PTGIS: variants seen among roughly 807,000 people sequenced by gnomAD.
PTGIS encodes the protein prostaglandin I2 synthase, also known as prostacyclin synthase.
Under a neutral mutation model 50.3 loss-of-function variants are expected in PTGIS, and 45 were observed. The ratio of observed to expected loss-of-function variants is 0.90; its 90% CI spans 0.70 to 1.15. The LOEUF is 1.15. PTGIS is among the 50% of genes most tolerant of loss of function. The pLI, the probability that PTGIS is intolerant of heterozygous loss-of-function variation, is 0.00. For missense variants in PTGIS, 668 were observed against 661.3 expected (o/e 1.01, Z -0.11); for synonymous variants, 260 against 267.7 (o/e 0.97, Z 0.28).
In PTGIS at chr20:49,531,334, C is replaced by T. The variant is rs370655954; in HGVS notation, c.674-7095G>A. ...CTGAGCTTGGTGGCTCAACCTGGGG[C>T]CCTGCAGATGAGCAAAGCTGTGTAG... On this transcript the variant is annotated intron_variant, in intron 5 of 9. Coordinates refer to ENST00000244043, the MANE Select transcript of PTGIS (RefSeq NM_000961.4). Among the ~76,000 whole-genome samples the T allele has an allele frequency of 3.0e-4, 45 of 152,174 alleles. 2 individuals are homozygous for T. Among genetic ancestry groups the T allele is most frequent in the African/African-American group, 1.1e-3 (45 of 41,510 alleles).
At chr20:49,519,656 C>A in intron 6 of PTGIS, among the ~76,000 whole-genome samples, 1 of 152,088 alleles carries the variant, frequency 6.6e-6, no homozygotes, top group South Asian at 2.1e-4. Flanking sequence ...CTCTCTTCTC[C>A]AGGTGTCCAC....
chr20:49,547,957 C>G lies in PTGIS; in HGVS notation c.261G>C (p.Val87=), dbSNP rs746440209. ...LLDPHSYDAV[V]WEPRTRLDFH... ...AGTCGAGCCTGGTGCGAGGCTCCCA[C>G]ACCACCGCGTCGTAGGAGTGTGGGT... Residue 87 remains valine (V), a synonymous_variant, in exon 3 of 10, where the codon GTG becomes GTC. Coordinates refer to ENST00000244043, the MANE Select transcript of PTGIS (RefSeq NM_000961.4). 1 of 1,614,132 alleles carries G rather than the reference C, an allele frequency of 6.2e-7. No homozygotes were observed. The highest frequency in any genetic ancestry group is 8.5e-7 in the Non-Finnish European group (1 of 1,180,024).
At chr20:49,530,592 T>G (rs532614467) in intron 5 of PTGIS, among the ~76,000 whole-genome samples, 2 of 152,240 alleles carry the variant, frequency 1.3e-5, no homozygotes, top group African/African-American at 2.4e-5. Context: ...ATATTTGTCA[T>G]CTTTTGACAT....
At chr20:49,517,010 C>A (rs1168112893) in intron 6 of PTGIS, among the ~76,000 whole-genome samples, 2 of 152,188 alleles carry the variant, frequency 1.3e-5, no homozygotes, top group Admixed American at 6.5e-5. Context: ...GGTAACATTG[C>A]CACCTCCTGG....
intron 4 of PTGIS, among the ~76,000 whole-genome samples, chr20:49,543,702 C>T (rs1172477257): frequency 6.6e-6 from 1 of 152,196 alleles, no homozygotes; most frequent in African/African-American, 2.4e-5. Context: ...CATGACCCTG[C>T]CTCGTCAGTC....
chr20:49,567,989 C>A, intron 1 of PTGIS, 54 bp downstream of exon 1: 1 of 1,434,316 alleles, frequency 7.0e-7, no homozygotes, highest in Non-Finnish European at 9.1e-7. Context: ...GGCTGCAGCC[C>A]GGGCGGGAGC....
At chr20:49,536,475 T>TTTCC (rs1982074126) in intron 5 of PTGIS, among the ~76,000 whole-genome samples, 1 of 133,422 alleles carries the variant, frequency 7.5e-6, no homozygotes, top group African/African-American at 3.4e-5. Context: ...TCTTTCTTTC[T>TTTCC]TTCTTTTTTT....
intron 8 of PTGIS, among the ~76,000 whole-genome samples, chr20:49,511,481 T>G (rs780061884): frequency 1.1e-4 from 16 of 152,298 alleles, no homozygotes; most frequent in Admixed American, 2.0e-4. Context: ...TGTGTATGCC[T>G]GTAAAGCCAT....
Position 49,523,949 on chromosome 20 carries a change from A to G in PTGIS, c.855+109T>C. 29 of 1,330,108 alleles carry G rather than the reference A, an allele frequency of 2.2e-5. 1 individual carries two copies. In the South Asian group the frequency reaches 3.6e-4, roughly 16 times the overall value. The allele number at this position is 1,330,108 out of a possible 1,614,324, so 82.4% of individuals were successfully genotyped here. A position where few individuals can be genotyped will look rare whatever the true frequency, so the allele number is the denominator to read the frequency against. ...CCTACATACACATGCACACACAGGC[A>G]TAGTCATGTGCACACCTGCACAGGT... On this transcript the variant is annotated intron_variant, in intron 6 of 9. Coordinates refer to ENST00000244043, the MANE Select transcript of PTGIS (RefSeq NM_000961.4).
chr20:49,536,470 C>CTTTTTTTTTTTTT (rs1471525960), intron 5 of PTGIS, among the ~76,000 whole-genome samples: 10 of 135,098 alleles, frequency 7.4e-5, no homozygotes, highest in South Asian at 2.4e-4. Flanking sequence ...TTCTTTCTTT[C>CTTTTTTTTTTTTT]TTTCTTTCTT....
At chr20:49,517,832 T>C (rs764241893) in intron 6 of PTGIS, among the ~76,000 whole-genome samples, 5 of 152,198 alleles carry the variant, frequency 3.3e-5, no homozygotes, top group African/African-American at 4.8e-5. Context: ...CCCACTTTCC[T>C]TCAAAGAACC....
chr20:49,516,060 G>A (rs1219874273), intron 6 of PTGIS, among the ~76,000 whole-genome samples: 1 of 122,682 alleles, frequency 8.2e-6, no homozygotes, highest in Admixed American at 8.5e-5. Context: ...TTTTTTTTTT[G>A]GTAGAGATGG....
At chr20:49,545,741 A>T (rs1237961494) in intron 3 of PTGIS, among the ~76,000 whole-genome samples, 2 of 152,194 alleles carry the variant, frequency 1.3e-5, no homozygotes, top group East Asian at 3.9e-4. Flanking sequence ...TGGGGTGTCC[A>T]TGGGCGGTGC....
chr20:49,530,906 T>C (rs6095568), intron 5 of PTGIS, among the ~76,000 whole-genome samples: 11,176 of 151,964 alleles, frequency 0.074, 1,260 homozygotes, highest in African/African-American at 0.24. Context: ...ACTACAGGCG[T>C]GCACCACCAC....
intron 1 of PTGIS, among the ~76,000 whole-genome samples, chr20:49,554,128 T>G (rs1256148011): frequency 6.6e-6 from 1 of 152,172 alleles, no homozygotes; most frequent in Non-Finnish European, 1.5e-5. Context: ...AGTTCAACTT[T>G]TATTGCATCT....
chr20:49,509,636 C>A (rs568835051), intron 9 of PTGIS, among the ~76,000 whole-genome samples: 4 of 152,288 alleles, frequency 2.6e-5, no homozygotes, highest in Non-Finnish European at 5.9e-5. Context: ...CCCAGCTGAA[C>A]CTGGGTGTGC....
rs1982201033 is a variant in PTGIS, at chr20:49,540,633, G to A, written c.522-912C>T. On this transcript the variant is annotated intron_variant, in intron 4 of 9. Transcript: ENST00000244043. The surrounding 1 kb of genome is among the most constrained non-coding windows in gnomAD (Gnocchi z 4.8). Reference sequence around the variant, plus strand: ...GGGTAAGACATGGGAGCTAGCATGAGCTCTCATGTGCTCTCACTGAGGCAC... The same window carrying A: ...GGGTAAGACATGGGAGCTAGCATGAACTCTCATGTGCTCTCACTGAGGCAC... Among the ~76,000 whole-genome samples the A allele has an allele frequency of 1.3e-5, 2 of 152,104 alleles. No homozygotes were observed. Among genetic ancestry groups the A allele is most frequent in the Admixed American group, 6.5e-5 (1 of 15,280 alleles).
intron 5 of PTGIS, 41 bp downstream of exon 5, chr20:49,539,529 C>T: frequency 1.9e-6 from 3 of 1,602,322 alleles, no homozygotes; most frequent in South Asian, 1.1e-5. Flanking sequence ...CTGGGTCTTT[C>T]CATCCTCCCC....
At chr20:49,547,718 T>C (rs146238607) in intron 3 of PTGIS, 123 bp downstream of exon 3, 2 of 1,134,232 alleles carry the variant, frequency 1.8e-6, no homozygotes, top group Non-Finnish European at 2.6e-6. Context: ...TTTCTGTTTG[T>C]GTTCTCAAGA....
Sources: gnomAD v4.1 joint callset for allele counts (sites outside exome capture counted in the v4.1 genomes callset) on GRCh38, gnomAD v4.1.1 for gene constraint, Gnocchi (gnomAD v3.1) non-coding constraint, MANE v1.5 for transcripts, NCBI Gene and HGNC (gene_info 2026-07-23, HGNC 2026-07-21) for gene names.